The following BRINP3 variants were observed in gnomAD, a reference collection of about 807,000 sequenced individuals.
BRINP3 encodes the protein BMP/retinoic acid-inducible neural-specific protein 3.
BRINP3 carries 19 observed loss-of-function variants against 71.0 expected under a neutral mutation model. The observed-to-expected ratio is 0.27, with a 90% CI of 0.19 to 0.39. BRINP3 has a LOEUF of 0.39. Ranked by LOEUF, BRINP3 falls within the 10% of genes least tolerant of loss-of-function variation. BRINP3 has a pLI of 1.00. For missense variants in BRINP3, 959 were observed against 940.8 expected, an observed-to-expected ratio of 1.02 and a Z score of -0.25; for synonymous variants, 380 against 337.7, an observed-to-expected ratio of 1.13 and a Z score of -1.37.
rs954231548 is a variant in BRINP3 at position 190,233,010 on chromosome 1, T to C, written c.724+1362A>G. Among the ~76,000 whole-genome samples the C allele has an allele frequency of 1.9e-4, 29 of 152,322 alleles. 1 individual carries two copies. Among genetic ancestry groups the C allele is most frequent in the Admixed American group, 8.5e-4 (13 of 15,302 alleles). ...GGATAACATTTAAATTGTTAAAGTATTTAAGAACTTTGTACTTTTAATACA... is the reference window on the plus strand; with the variant it reads ...GGATAACATTTAAATTGTTAAAGTACTTAAGAACTTTGTACTTTTAATACA... On this transcript the variant is annotated intron_variant, in intron 5 of 7. Transcript: ENST00000367462.
At chr1:190,375,582 C>A (rs1670134975) in intron 2 of BRINP3, among the ~76,000 whole-genome samples, 1 of 151,664 alleles carries the variant, frequency 6.6e-6, no homozygotes, top group African/African-American at 2.4e-5. Flanking sequence ...GGAAAGAGAC[C>A]AACCCAACAG....
chr1:190,399,049 T>C lies in BRINP3; in HGVS notation c.236+55606A>G, dbSNP rs539731638. On this transcript the variant is annotated intron_variant, in intron 2 of 7. Transcript: ENST00000367462. ...GTTTGCTCCAGAGATTATGATTACT[T>C]TGTGCGCAGAAATTACTATTAATTT... 5.3e-5 allele frequency among the ~76,000 whole-genome samples: 8 copies of C among 152,120 alleles called. No individual in the cohort carries two copies. The South Asian group carries it at 1.4e-3, about 28-fold the overall frequency.
chr1:190,382,808 T>C (rs975108405), intron 2 of BRINP3, among the ~76,000 whole-genome samples: 5 of 152,124 alleles, frequency 3.3e-5, no homozygotes, highest in Non-Finnish European at 7.4e-5. Flanking sequence ...GTTTATAAGA[T>C]CCAAGTGAAT....
chr1:190,383,285 T>A (rs1407529440), intron 2 of BRINP3, among the ~76,000 whole-genome samples: 2 of 152,240 alleles, frequency 1.3e-5, no homozygotes, highest in South Asian at 2.1e-4. Flanking sequence ...TTCATGGAAG[T>A]CATTATTTGC....
At chr1:190,235,994 G>C (rs1415336997) in intron 4 of BRINP3, among the ~76,000 whole-genome samples, 1 of 151,910 alleles carries the variant, frequency 6.6e-6, no homozygotes, top group East Asian at 1.9e-4. Context: ...TTAAGTTCTT[G>C]CATCAGCTGA....
At chr1:190,331,359 A>G (rs1369127208) in intron 2 of BRINP3, among the ~76,000 whole-genome samples, 4 of 152,042 alleles carry the variant, frequency 2.6e-5, no homozygotes, top group Non-Finnish European at 5.9e-5. Flanking sequence ...GCTTGAACTT[A>G]GCTATGAAAA....
intron 6 of BRINP3, 31 bp from the exon 7 acceptor site, chr1:190,160,921 T>C: frequency 6.8e-7 from 1 of 1,477,262 alleles, no homozygotes; most frequent in Non-Finnish European, 9.3e-7. Context: ...ACACTTTAAT[T>C]ATGAAACAAT....
At chr1:190,465,143 TAAATATA>T (rs1359624471) in intron 1 of BRINP3, among the ~76,000 whole-genome samples, 1 of 151,934 alleles carries the variant, frequency 6.6e-6, no homozygotes, top group African/African-American at 2.4e-5. Context: ...GGTTTTCTGA[TAAATATA>T]AAATATCATG....
intron 4 of BRINP3, among the ~76,000 whole-genome samples, chr1:190,243,546 A>G (rs1385450191): frequency 6.6e-6 from 1 of 152,148 alleles, no homozygotes; most frequent in Non-Finnish European, 1.5e-5. Context: ...CTAAAGGGAT[A>G]TGTTGTTACT....
intron 6 of BRINP3, among the ~76,000 whole-genome samples, chr1:190,216,404 C>T (rs1656422487): frequency 6.6e-6 from 1 of 151,264 alleles, no homozygotes; most frequent in Non-Finnish European, 1.5e-5. Flanking sequence ...GTATATGCTA[C>T]CAATATTTCT....
intron 6 of BRINP3, among the ~76,000 whole-genome samples, chr1:190,192,418 G>C (rs760466278): frequency 5.9e-5 from 9 of 151,798 alleles, no homozygotes; most frequent in Admixed American, 1.3e-4. Context: ...ACATTAAACT[G>C]GTGTTCTTTA....
chr1:190,308,427 G>A (rs576501687), intron 2 of BRINP3, among the ~76,000 whole-genome samples: 12 of 151,808 alleles, frequency 7.9e-5, no homozygotes, highest in African/African-American at 2.9e-4. Flanking sequence ...CACAAAGGAG[G>A]TGGGAATTGA....
Position 190,306,279 on chromosome 1 carries a change from G to C in BRINP3, c.237-24529C>G, listed in dbSNP as rs963967781. ...GTTATTTTAATTTCTGAGCAGAAGA[G>C]CAACATACTCTAAAGGAAATGAAAG... On this transcript the variant is annotated intron_variant, in intron 2 of 7. Transcript: ENST00000367462. 2.0e-5 allele frequency among the ~76,000 whole-genome samples: 3 copies of C among 151,660 alleles called. No homozygotes were observed. In the Admixed American group the frequency reaches 2.0e-4, roughly 10 times the overall value.
chr1:190,130,977 A>G (rs1303650976), intron 7 of BRINP3, among the ~76,000 whole-genome samples: 1 of 151,806 alleles, frequency 6.6e-6, no homozygotes, highest in Non-Finnish European at 1.5e-5. Flanking sequence ...CCTGCTCCCT[A>G]TGCCCTATCA....
chr1:190,470,698 G>T (rs1364016246), intron 1 of BRINP3, among the ~76,000 whole-genome samples: 1 of 151,038 alleles, frequency 6.6e-6, no homozygotes, highest in Non-Finnish European at 1.5e-5. Context: ...TAGATTGCAT[G>T]TCATTTTTCA....
At chr1:190,221,810 G>C (rs1291505079) in intron 6 of BRINP3, among the ~76,000 whole-genome samples, 1 of 151,936 alleles carries the variant, frequency 6.6e-6, no homozygotes, top group African/African-American at 2.4e-5. Flanking sequence ...GATTTAAAAA[G>C]ACATAGGAGG....
intron 2 of BRINP3, among the ~76,000 whole-genome samples, chr1:190,400,573 G>A (rs1441163323): frequency 1.3e-5 from 2 of 152,076 alleles, no homozygotes; most frequent in Admixed American, 1.3e-4. Flanking sequence ...ACATGTGATT[G>A]GTTACATCTG....
chr1:190,472,848 C>A (rs184792485), intron 1 of BRINP3, among the ~76,000 whole-genome samples: 1 of 148,428 alleles, frequency 6.7e-6, no homozygotes, highest in African/African-American at 2.5e-5. Flanking sequence ...CTTTGAGTCC[C>A]AATGGTTTCT....
At chr1:190,413,773 C>T (rs778055091) in intron 2 of BRINP3, among the ~76,000 whole-genome samples, 3 of 152,058 alleles carry the variant, frequency 2.0e-5, no homozygotes, top group Non-Finnish European at 4.4e-5. Context: ...TACTATGTTA[C>T]AGCAGCTGAG....
Sources: gnomAD v4.1 joint callset for allele counts (sites outside exome capture counted in the v4.1 genomes callset) on GRCh38, gnomAD v4.1.1 for gene constraint, MANE v1.5 for transcripts, NCBI Gene and HGNC (gene_info 2026-07-23, HGNC 2026-07-21) for gene names.